The following DMRT1 variants were observed in gnomAD, a reference collection of about 807,000 sequenced individuals.
DMRT1 encodes doublesex- and mab-3-related transcription factor 1.
In DMRT1, 7 loss-of-function variants were observed where a neutral mutation model predicts 32.3. The observed-to-expected ratio is 0.22, with a 90% CI of 0.12 to 0.41. The LOEUF (loss-of-function observed/expected upper bound fraction) is 0.41, where lower values mean the gene tolerates loss of function less well. DMRT1 is among the 10% of genes least tolerant of loss of function. The probability of loss-of-function intolerance (pLI) is 1.00; values close to 1 mark genes in which losing one functional copy is unlikely to be tolerated. For missense variants in DMRT1, 625 were observed against 500.5 expected, an observed-to-expected ratio of 1.25 and a Z score of -2.37; for synonymous variants, 278 against 206.1, an observed-to-expected ratio of 1.35 and a Z score of -2.99.
intron 4 of DMRT1, among the ~76,000 whole-genome samples, chr9:956,210 C>A (rs993992785): frequency 6.6e-5 from 10 of 152,118 alleles, no homozygotes; most frequent in African/African-American, 2.4e-4. Context: ...ATATGAGGTA[C>A]CTACAGTAGT....
At chr9:900,431 C>T (rs530890686) in intron 3 of DMRT1, among the ~76,000 whole-genome samples, 1 of 152,104 alleles carries the variant, frequency 6.6e-6, no homozygotes, top group East Asian at 1.9e-4. Context: ...TGTTTGTTAG[C>T]TTGAAAGAAT....
rs373843416 is a variant in DMRT1 at position 842,321 on chromosome 9, G to A, written c.354+129G>A. 385 of 1,204,038 alleles carry A rather than the reference G, an allele frequency of 3.2e-4. 4 individuals carry two copies. In the African/African-American group the frequency reaches 5.2e-3, roughly 16 times the overall value. The allele number at this position is 1,204,038 out of a possible 1,614,324, so 74.6% of individuals were successfully genotyped here. Reference sequence around the variant, plus strand: ...GCGATCTTGGCTCACTGCAACCTCCGCTTCCCGGGTTCAAGCAATTCTCCT... The same window carrying A: ...GCGATCTTGGCTCACTGCAACCTCCACTTCCCGGGTTCAAGCAATTCTCCT... On this transcript the variant is annotated intron_variant, in intron 1 of 4. Transcript: ENST00000382276.
chr9:943,855 A>G (rs1819156557), intron 4 of DMRT1, among the ~76,000 whole-genome samples: 2 of 152,376 alleles, frequency 1.3e-5, no homozygotes, highest in Middle Eastern at 3.4e-3. Context: ...ACATTGATTT[A>G]AAGAAAAGAT....
chr9:963,106 G>T (rs964366443), intron 4 of DMRT1, among the ~76,000 whole-genome samples: 3 of 152,164 alleles, frequency 2.0e-5, no homozygotes. Flanking sequence ...TATGCTATTT[G>T]CCAGTGCTTG....
intron 1 of DMRT1, chr9:842,694 T>C (rs1433758674): frequency 6.5e-6 from 1 of 154,172 alleles, no homozygotes; most frequent in Non-Finnish European, 1.4e-5. Flanking sequence ...CGGAGACGCG[T>C]CTGATCCCGC....
intron 4 of DMRT1, 115 bp downstream of exon 4, chr9:917,022 G>C: frequency 8.7e-7 from 1 of 1,142,966 alleles, no homozygotes. Context: ...AAATTTTATT[G>C]CTGTGTGAAG....
At position 924,070 on chromosome 9, in the gene DMRT1, CTTTTTTT is replaced by C. The variant is rs1554757297; in HGVS notation, c.967+7175_967+7181del. Among the ~76,000 whole-genome samples the C allele has an allele frequency of 5.9e-3, 513 of 87,044 alleles. 5 individuals carry two copies. Among genetic ancestry groups the C allele is most frequent in the African/African-American group, 0.017 (488 of 27,898 alleles). The allele number at this position is 87,044 out of a possible 152,430, so 57.1% of individuals were successfully genotyped here. ...GAGCCAGTAGTAAGATGATCAATCT[CTTTTTTT>C]TTTTTTTTTTTCCACCTGGAGTCTC... On this transcript the variant is annotated intron_variant, in intron 4 of 4. Transcript: ENST00000382276.
chr9:846,630 G>C lies in DMRT1; in HGVS notation c.355-330G>C, dbSNP rs1057349730. ...GGGTCTTGCTCTGTCTCCCAGGCTG[G>C]AGTGCAGTGGTGCGATTATAGCCCA... On this transcript the variant is annotated intron_variant, in intron 1 of 4. Transcript: ENST00000382276. Among the ~76,000 whole-genome samples the C allele has an allele frequency of 1.1e-4, 17 of 152,128 alleles. 1 individual carries two copies. Among genetic ancestry groups the C allele is most frequent in the Admixed American group, 7.9e-4 (12 of 15,278 alleles).
intron 4 of DMRT1, among the ~76,000 whole-genome samples, chr9:920,089 C>G (rs937004306): frequency 6.6e-6 from 1 of 152,108 alleles, no homozygotes; most frequent in Non-Finnish European, 1.5e-5. Flanking sequence ...TTTGAGATGT[C>G]CATGAACCAC....
In DMRT1 at chr9:968,091, G is replaced by A. The variant is rs771131417; in HGVS notation, c.1074G>A (p.Ser358=). ...TKAVLECEPA[S]EPSSFTVTPV... ...CAGTGCTTGAATGTGAGCCTGCGTC[G>A]GAGCCCAGCAGCTTCACAGTCACTC... Residue 358 remains serine (S), a synonymous_variant, in exon 5 of 5, where the codon TCG becomes TCA. Coordinates refer to ENST00000382276, the MANE Select transcript of DMRT1 (RefSeq NM_021951.3). 8.1e-6 allele frequency: 13 copies of A among 1,614,116 alleles called. No individual in the cohort carries two copies. The highest frequency in any genetic ancestry group is 1.0e-5 in the Non-Finnish European group (12 of 1,180,046).
intron 4 of DMRT1, among the ~76,000 whole-genome samples, chr9:927,924 T>TA (rs1436566509): frequency 1.3e-5 from 2 of 152,242 alleles, no homozygotes; most frequent in East Asian, 3.8e-4. Context: ...GTCCGTTTGA[T>TA]AGGAGGGCAA....
chr9:964,932 C>T (rs1161753859), intron 4 of DMRT1, among the ~76,000 whole-genome samples: 1 of 152,198 alleles, frequency 6.6e-6, no homozygotes, highest in Non-Finnish European at 1.5e-5. Flanking sequence ...ACAAAATGAC[C>T]TAAGACAAGA....
At chr9:855,651 G>A (rs1431804138) in intron 2 of DMRT1, among the ~76,000 whole-genome samples, 2 of 152,148 alleles carry the variant, frequency 1.3e-5, no homozygotes, top group Non-Finnish European at 1.5e-5. Flanking sequence ...ACAGGGTCTC[G>A]CTTTTTAGCC....
At chr9:945,685 C>T (rs1309552896) in intron 4 of DMRT1, among the ~76,000 whole-genome samples, 1 of 149,478 alleles carries the variant, frequency 6.7e-6, no homozygotes, top group African/African-American at 2.5e-5. Context: ...CAGAACACTG[C>T]TGTTTTTATT....
At chr9:861,747 G>A (rs1815694413) in intron 2 of DMRT1, among the ~76,000 whole-genome samples, 1 of 149,510 alleles carries the variant, frequency 6.7e-6, no homozygotes, top group Non-Finnish European at 1.5e-5. Flanking sequence ...CCACCTCCTG[G>A]ACGGGGCGGC....
intron 3 of DMRT1, among the ~76,000 whole-genome samples, chr9:909,103 G>T (rs1817882222): frequency 6.6e-6 from 1 of 152,092 alleles, no homozygotes; most frequent in Non-Finnish European, 1.5e-5. Flanking sequence ...GCATTCCATA[G>T]CAGGACCACC....
intron 4 of DMRT1, among the ~76,000 whole-genome samples, chr9:950,696 A>G (rs1477607973): frequency 2.6e-5 from 4 of 152,220 alleles, no homozygotes; most frequent in African/African-American, 7.2e-5. Context: ...TTAGGCTGGT[A>G]GATGAGCCTT....
At chr9:917,972 C>A (rs563615573) in intron 4 of DMRT1, among the ~76,000 whole-genome samples, 1 of 152,200 alleles carries the variant, frequency 6.6e-6, no homozygotes. Flanking sequence ...ACAAGCACAA[C>A]TCTGTTTTAT....
At chr9:896,305 C>G (rs76812990) in intron 3 of DMRT1, among the ~76,000 whole-genome samples, 1 of 118,602 alleles carries the variant, frequency 8.4e-6, no homozygotes, top group Admixed American at 9.5e-5. Context: ...TTTTTTTTTC[C>G]TGAGACAGAG....
Sources: allele counts gnomAD v4.1 joint callset (sites outside exome capture counted in the v4.1 genomes callset), GRCh38; gene constraint gnomAD v4.1.1; transcripts MANE v1.5; gene names NCBI Gene and HGNC (gene_info 2026-07-23, HGNC 2026-07-21).